The following AGMO variants were observed in gnomAD, a reference collection of about 807,000 sequenced individuals.
AGMO encodes the protein glyceryl-ether monooxygenase.
In AGMO, 75 loss-of-function variants were observed where a neutral mutation model predicts 60.2. The observed-to-expected ratio is 1.25, with a 90% CI of 1.03 to 1.51. The LOEUF is 1.51. AGMO is among the 40% of genes most tolerant of loss of function. The pLI is 0.00. For missense variants in AGMO, 763 were observed against 525.5 expected (o/e 1.45, Z -4.42); for synonymous variants, 261 against 177.1 (o/e 1.47, Z -3.76).
intron 5 of AGMO, chr7:15,396,640 T>TGCTGATTGGTCCACTTTACAGAGA (rs1299648158): frequency 2.7e-5 from 4 of 146,176 alleles, no homozygotes; most frequent in African/African-American, 1.0e-4. Flanking sequence ...CCACACATCC[T>TGCTGATTGGTCCACTTTACAGAGA]GCTGATTGGT....
At chr7:15,396,500 G>C (rs373439103) in intron 5 of AGMO, 1 of 152,252 alleles carries the variant, frequency 6.6e-6, no homozygotes, top group Non-Finnish European at 1.5e-5. Flanking sequence ...CCCAAAGAAC[G>C]AGCAGCAGCA....
intron 12 of AGMO, among the ~76,000 whole-genome samples, chr7:15,242,239 C>T (rs1266794723): frequency 1.3e-5 from 2 of 152,044 alleles, no homozygotes; most frequent in Non-Finnish European, 2.9e-5. Flanking sequence ...CATGAAGGAC[C>T]ATTTTAGGAT....
chr7:15,263,334 A>G (rs1185643358), intron 12 of AGMO, among the ~76,000 whole-genome samples: 1 of 152,114 alleles, frequency 6.6e-6, no homozygotes, highest in Admixed American at 6.6e-5. Flanking sequence ...AAAAATGTTC[A>G]ACATCACTCA....
chr7:15,238,313 G>T (rs969015157), intron 12 of AGMO, among the ~76,000 whole-genome samples: 1 of 151,940 alleles, frequency 6.6e-6, no homozygotes, highest in Non-Finnish European at 1.5e-5. Context: ...CAAAAATACA[G>T]TTAAACAGAA....
chr7:15,270,325 T>C lies in AGMO; in HGVS notation c.1264-68966A>G, dbSNP rs557727333. ...TTATATAAATAAACATTCTGAATGG[T>C]ATGAGATGATATCATATTGAGATTT... is the stretch of plus-strand genomic sequence containing the variant. On this transcript the variant is annotated intron_variant, in intron 12 of 12. Coordinates refer to ENST00000342526, the MANE Select transcript of AGMO (RefSeq NM_001004320.2). Among the ~76,000 whole-genome samples, 94 of 152,028 alleles carry C rather than the reference T, an allele frequency of 6.2e-4. 1 individual carries two copies. The Middle Eastern group carries it at 0.027, about 44-fold the overall frequency.
chr7:15,153,949 C>G, the AGMO span, among the ~76,000 whole-genome samples: 1 of 151,970 alleles, frequency 6.6e-6, no homozygotes, highest in South Asian at 2.1e-4. Context: ...CAGTCATTTT[C>G]ACAATATTGA....
chr7:15,484,822 G>A (rs1227160590), intron 3 of AGMO, among the ~76,000 whole-genome samples: 4 of 152,056 alleles, frequency 2.6e-5, no homozygotes, highest in African/African-American at 7.2e-5. Context: ...AGAGGAGGAG[G>A]AAAGAAATAA....
At chr7:15,308,151 GTCTGT>G (rs1205758450) in intron 12 of AGMO, among the ~76,000 whole-genome samples, 4 of 152,012 alleles carry the variant, frequency 2.6e-5, no homozygotes, top group African/African-American at 7.2e-5. Flanking sequence ...TTTAAAGTAT[GTCTGT>G]TCTAATTTCA....
intron 10 of AGMO, among the ~76,000 whole-genome samples, chr7:15,370,880 G>A (rs1260240375): frequency 6.6e-6 from 1 of 152,136 alleles, no homozygotes; most frequent in Non-Finnish European, 1.5e-5. Flanking sequence ...CTGTGCAGAA[G>A]CTCTTTATTG....
At chr7:15,354,053 A>G (rs1220273977) in intron 12 of AGMO, among the ~76,000 whole-genome samples, 2 of 152,030 alleles carry the variant, frequency 1.3e-5, no homozygotes, top group Non-Finnish European at 2.9e-5. Context: ...CTATGTTCTA[A>G]TATTGCTTAA....
At chr7:15,510,860 T>C (rs1783652458) in intron 3 of AGMO, among the ~76,000 whole-genome samples, 3 of 148,214 alleles carry the variant, frequency 2.0e-5, no homozygotes, top group African/African-American at 7.4e-5. Flanking sequence ...TATTATAATA[T>C]AATGTTAATG....
At chr7:15,308,224 C>T (rs1470759670) in intron 12 of AGMO, among the ~76,000 whole-genome samples, 2 of 151,734 alleles carry the variant, frequency 1.3e-5, no homozygotes, top group African/African-American at 4.9e-5. Flanking sequence ...AGACTTTTAC[C>T]CCTCACACAA....
intron 12 of AGMO, among the ~76,000 whole-genome samples, chr7:15,281,757 T>C (rs1267961454): frequency 1.3e-5 from 2 of 152,204 alleles, no homozygotes; most frequent in Non-Finnish European, 2.9e-5. Context: ...GCCTGAAGCC[T>C]AAACTATTCA....
intron 12 of AGMO, among the ~76,000 whole-genome samples, chr7:15,301,725 TATA>T (rs1306334773): frequency 3.3e-5 from 5 of 152,200 alleles, no homozygotes; most frequent in South Asian, 2.1e-4. Context: ...AAAAAATGAC[TATA>T]ATAATATTGG....
At chr7:15,388,439 G>A (rs1001697315) in intron 8 of AGMO, among the ~76,000 whole-genome samples, 1 of 152,094 alleles carries the variant, frequency 6.6e-6, no homozygotes, top group African/African-American at 2.4e-5. Flanking sequence ...TAATAATACA[G>A]AAAACCAATG....
At chr7:15,493,559 T>C (rs1307700494) in intron 3 of AGMO, among the ~76,000 whole-genome samples, 3 of 151,344 alleles carry the variant, frequency 2.0e-5, no homozygotes, top group Admixed American at 6.6e-5. Context: ...TGTTTTTTAG[T>C]AGAGACGGGG....
chr7:15,556,218 A>ATTT (rs1785131093), intron 2 of AGMO, among the ~76,000 whole-genome samples: 3 of 80,994 alleles, frequency 3.7e-5, no homozygotes, highest in African/African-American at 1.6e-4. Flanking sequence ...CCTCCTTTTT[A>ATTT]GTTTTTTTTT....
chr7:15,340,995 A>T (rs1296460904), intron 12 of AGMO, among the ~76,000 whole-genome samples: 78 of 152,048 alleles, frequency 5.1e-4, no homozygotes, highest in Admixed American at 5.0e-3. Flanking sequence ...TACCCTGTAA[A>T]ACCAAAGGGG....
intron 3 of AGMO, among the ~76,000 whole-genome samples, chr7:15,507,171 A>G (rs1486659040): frequency 6.6e-6 from 1 of 152,096 alleles, no homozygotes; most frequent in East Asian, 1.9e-4. Flanking sequence ...AGTCAAGGAC[A>G]AAGTGCTATC....
Sources: gnomAD v4.1 joint callset for allele counts (sites outside exome capture counted in the v4.1 genomes callset) on GRCh38, gnomAD v4.1.1 for gene constraint, MANE v1.5 for transcripts, NCBI Gene and HGNC (gene_info 2026-07-23, HGNC 2026-07-21) for gene names.